The following CHKA variants were observed in gnomAD, a reference collection of about 807,000 sequenced individuals.
The protein encoded by CHKA is choline kinase alpha.
A neutral mutation model predicts 60.1 loss-of-function variants in CHKA; 34 were observed. The ratio of observed to expected loss-of-function variants is 0.57; its 90% CI spans 0.43 to 0.75. CHKA has a LOEUF of 0.75. Among genes scored for constraint, CHKA ranks in the 30% least tolerant of loss-of-function variants. The probability of loss-of-function intolerance (pLI) is 0.00; values close to 1 mark genes in which losing one functional copy is unlikely to be tolerated. For missense variants in CHKA, 563 were observed against 561.3 expected (o/e 1.00, Z -0.03); for synonymous variants, 217 against 223.1 (o/e 0.97, Z 0.24).
chr11:68,103,688 G>C (rs563277390), intron 1 of CHKA, among the ~76,000 whole-genome samples: 1 of 152,006 alleles, frequency 6.6e-6, no homozygotes, highest in Non-Finnish European at 1.5e-5. Context: ...GAGGCGGGCA[G>C]ATCACCTGAG....
At chr11:68,100,592 AATAAATAAATAC>A (rs1263616127) in intron 1 of CHKA, among the ~76,000 whole-genome samples, 3,597 of 88,186 alleles carry the variant, frequency 0.041, 92 homozygotes, top group African/African-American at 0.096. Context: ...CATCATCTCC[AATAAATAAATAC>A]ATAAATAAAT....
In CHKA at chr11:68,074,473, G is replaced by A. The variant is rs114199794; in HGVS notation, c.630+244C>T. 1.7e-3 allele frequency among the ~76,000 whole-genome samples: 263 copies of A among 152,164 alleles called. 2 individuals are homozygous for A. Among genetic ancestry groups the A allele is most frequent in the African/African-American group, 6.0e-3 (251 of 41,498 alleles). The stretch of plus-strand genomic sequence containing the variant: ...AAGTCTCAGGGTACACAGCCTCAGG[G>A]GACAATAAAATGGTAAGTTTCATAT... On this transcript the variant is annotated intron_variant, in intron 4 of 11. Coordinates refer to ENST00000265689, the MANE Select transcript of CHKA (RefSeq NM_001277.3).
intron 1 of CHKA, among the ~76,000 whole-genome samples, chr11:68,114,157 A>G (rs974013870): frequency 6.6e-6 from 1 of 152,234 alleles, no homozygotes; most frequent in African/African-American, 2.4e-5. Flanking sequence ...TCTGGAAGAC[A>G]GTTTGGCAGT....
intron 1 of CHKA, among the ~76,000 whole-genome samples, chr11:68,113,864 G>A (rs1444189580): frequency 1.3e-5 from 2 of 152,064 alleles, no homozygotes; most frequent in South Asian, 2.1e-4. Context: ...AGTGGCAGGT[G>A]CCTGTAATCT....
chr11:68,106,270 A>C (rs7950397), intron 1 of CHKA, among the ~76,000 whole-genome samples: 1 of 152,238 alleles, frequency 6.6e-6, no homozygotes, highest in Non-Finnish European at 1.5e-5. Context: ...GGCTAGGCCA[A>C]GCACAGTGGC....
chr11:68,100,360 C>T (rs1034416245), intron 1 of CHKA, among the ~76,000 whole-genome samples: 3 of 151,998 alleles, frequency 2.0e-5, no homozygotes, highest in Non-Finnish European at 4.4e-5. Context: ...GAGGCTGAGG[C>T]GGGCAGATCA....
At chr11:68,118,016 A>G (rs1482641687) in intron 1 of CHKA, among the ~76,000 whole-genome samples, 1 of 152,212 alleles carries the variant, frequency 6.6e-6, no homozygotes, top group Non-Finnish European at 1.5e-5. Flanking sequence ...ACGCAGAGCG[A>G]AAGCAGAAGC....
At chr11:68,079,656 C>G (rs568892064) in intron 3 of CHKA, among the ~76,000 whole-genome samples, 1 of 152,202 alleles carries the variant, frequency 6.6e-6, no homozygotes, top group Non-Finnish European at 1.5e-5. Context: ...GAAATTTTTT[C>G]TGTAAGTCTA....
chr11:68,074,634 T>C (rs1480893621), intron 4 of CHKA, 83 bp downstream of exon 4: 20 of 1,159,388 alleles, frequency 1.7e-5, no homozygotes, highest in Non-Finnish European at 2.1e-5. Flanking sequence ...AACACAGCAT[T>C]GCAGGTTCTT....
chr11:68,096,967 G>C, intron 2 of CHKA, 52 bp downstream of exon 2: 1 of 1,267,714 alleles, frequency 7.9e-7, no homozygotes, highest in Non-Finnish European at 1.1e-6. Flanking sequence ...CAGCAAAGAG[G>C]ATTTAAAATG....
intron 2 of CHKA, among the ~76,000 whole-genome samples, chr11:68,088,110 CAAAAAA>C (rs55932145): frequency 8.4e-5 from 6 of 71,252 alleles, no homozygotes; most frequent in East Asian, 4.5e-4. Context: ...GAGGCTGTCT[CAAAAAA>C]AAAAAAAAAA....
At chr11:68,081,334 C>G in intron 3 of CHKA, 70 bp downstream of exon 3, 1 of 1,282,384 alleles carries the variant, frequency 7.8e-7, no homozygotes. Context: ...ACTGCCAAGC[C>G]CTGGAGTAGC....
Position 68,061,950 on chromosome 11 carries a change from T to C in CHKA, c.1314+3A>G. 2 of 1,573,778 alleles carry C rather than the reference T, an allele frequency of 1.3e-6. No homozygotes were observed. Among genetic ancestry groups the C allele is most frequent in the Non-Finnish European group, 1.7e-6 (2 of 1,157,232 alleles). On this transcript the variant is annotated splice_donor_region_variant and intron_variant, in intron 11 of 11. Coordinates refer to ENST00000265689, the MANE Select transcript of CHKA (RefSeq NM_001277.3). ...AAAAAACAAAAACGCTGCTAAAACATACCATGTACCCAAATTCAATAGATG... is the reference window on the plus strand; with the variant it reads ...AAAAAACAAAAACGCTGCTAAAACACACCATGTACCCAAATTCAATAGATG...
At chr11:68,108,126 C>T (rs1013195296) in intron 1 of CHKA, among the ~76,000 whole-genome samples, 5 of 152,142 alleles carry the variant, frequency 3.3e-5, no homozygotes, top group African/African-American at 9.7e-5. Context: ...TGACAGATAA[C>T]AGAAGAAGTG....
intron 1 of CHKA, among the ~76,000 whole-genome samples, chr11:68,110,949 G>A (rs940686015): frequency 5.3e-5 from 8 of 149,702 alleles, no homozygotes; most frequent in Non-Finnish European, 1.0e-4. Context: ...AGTGAGCTGG[G>A]ATCACGCCAC....
chr11:68,090,598 TAGGG>T (rs1284059142), intron 2 of CHKA, among the ~76,000 whole-genome samples: 1 of 152,152 alleles, frequency 6.6e-6, no homozygotes, highest in Non-Finnish European at 1.5e-5. Context: ...TAAGAGAAAA[TAGGG>T]AGGAAGACAT....
At chr11:68,075,959 T>C (rs1024070390) in intron 3 of CHKA, among the ~76,000 whole-genome samples, 1 of 152,148 alleles carries the variant, frequency 6.6e-6, no homozygotes, top group Non-Finnish European at 1.5e-5. Flanking sequence ...CACATTCACG[T>C]TACCAAAAAC....
intron 4 of CHKA, 40 bp downstream of exon 4, chr11:68,074,677 T>C: frequency 6.4e-7 from 1 of 1,565,150 alleles, no homozygotes. Flanking sequence ...ATCTTCTGTC[T>C]GTGGCATATG....
chr11:68,059,805 T>C (rs1856153157), intron 11 of CHKA, among the ~76,000 whole-genome samples: 1 of 152,186 alleles, frequency 6.6e-6, no homozygotes, highest in Non-Finnish European at 1.5e-5. Context: ...GGCCAGCATA[T>C]GGTCTATCTT....
Sources: gnomAD v4.1 joint callset for allele counts (sites outside exome capture counted in the v4.1 genomes callset) on GRCh38, gnomAD v4.1.1 for gene constraint, MANE v1.5 for transcripts, NCBI Gene and HGNC (gene_info 2026-07-23, HGNC 2026-07-21) for gene names.